PTPN21: variants seen among roughly 807,000 people sequenced by gnomAD.
The protein encoded by PTPN21 is tyrosine-protein phosphatase non-receptor type 21.
In PTPN21, 77 loss-of-function variants were observed where a neutral mutation model predicts 131.8. The ratio of observed to expected loss-of-function variants is 0.58; its 90% CI spans 0.49 to 0.71. PTPN21 has a LOEUF of 0.71. PTPN21 is among the 30% of genes least tolerant of loss of function. The pLI is 0.00. For synonymous variants in PTPN21, 715 were observed against 621.3 expected (o/e 1.15, Z -2.24); for missense variants, 1,552 against 1,527.1 (o/e 1.02, Z -0.27).
chr14:88,527,818 G>A (rs1471770312), intron 2 of PTPN21, among the ~76,000 whole-genome samples: 2 of 152,106 alleles, frequency 1.3e-5, no homozygotes, highest in African/African-American at 4.8e-5. Context: ...TCCCACTTGA[G>A]TTGATTTTTG....
Position 88,500,890 on chromosome 14 carries a change from A to G in PTPN21, c.676-19T>C. The G allele has an allele frequency of 6.4e-7, 1 of 1,568,114 alleles. No individual in the cohort carries two copies. Among genetic ancestry groups the G allele is most frequent in the Non-Finnish European group, 8.8e-7 (1 of 1,138,584 alleles). ...GGCTATCCTACAAGGAGAAAGCAGA[A>G]GAAGAAACACCCAGGAAGCAGATGC... On this transcript the variant is annotated intron_variant, in intron 7 of 18. Coordinates refer to ENST00000556564, the MANE Select transcript of PTPN21 (RefSeq NM_007039.4).
chr14:88,500,730 T>C (rs980569742), intron 8 of PTPN21, 53 bp downstream of exon 8: 3 of 1,247,636 alleles, frequency 2.4e-6, no homozygotes, highest in Admixed American at 3.4e-5. Context: ...TACTAAAAAA[T>C]GTATCACCAA....
intron 2 of PTPN21, among the ~76,000 whole-genome samples, chr14:88,522,225 G>A (rs1280014216): frequency 2.6e-5 from 4 of 151,872 alleles, no homozygotes; most frequent in East Asian, 1.9e-4. Flanking sequence ...TCAGGAGTTC[G>A]AGACTGGCCT....
At chr14:88,517,352 T>C (rs1464589029) in intron 2 of PTPN21, 91 bp from the exon 3 acceptor site, 1 of 1,380,076 alleles carries the variant, frequency 7.2e-7, no homozygotes. Flanking sequence ...TGTGACCAAA[T>C]GACAGCAGTC....
chr14:88,532,636 T>C (rs2078571054), intron 2 of PTPN21, among the ~76,000 whole-genome samples: 1 of 152,188 alleles, frequency 6.6e-6, no homozygotes, highest in South Asian at 2.1e-4. Context: ...ATTTTATACA[T>C]ACTTTTAATG....
intron 4 of PTPN21, among the ~76,000 whole-genome samples, chr14:88,506,998 G>A (rs1433744364): frequency 1.3e-5 from 2 of 151,796 alleles, no homozygotes; most frequent in Middle Eastern, 3.2e-3. Context: ...GCAGTGAGCC[G>A]AGATCGTGCC....
chr14:88,511,083 T>G (rs4514599), intron 3 of PTPN21, among the ~76,000 whole-genome samples: 52,391 of 151,542 alleles, frequency 0.35, 9,588 homozygotes, highest in African/African-American at 0.48. Context: ...TGGCTAAATT[T>G]TTTTTAATTT....
intron 6 of PTPN21, among the ~76,000 whole-genome samples, chr14:88,502,780 C>T (rs2078030113): frequency 1.3e-5 from 2 of 152,200 alleles, no homozygotes; most frequent in South Asian, 4.1e-4. Context: ...ATTTAACCAA[C>T]TTGTAGGAGG....
chr14:88,548,044 G>GC (rs1214807712), intron 2 of PTPN21, among the ~76,000 whole-genome samples: 1 of 151,926 alleles, frequency 6.6e-6, no homozygotes, highest in African/African-American at 2.4e-5. Flanking sequence ...CTCTGTTATA[G>GC]CCCCACCATC....
chr14:88,480,153 G>A lies in PTPN21; in HGVS notation c.1278C>T (p.Val426=), dbSNP rs753110190. The A allele has an allele frequency of 1.2e-6, 2 of 1,614,174 alleles. No homozygotes were observed. Among genetic ancestry groups the A allele is most frequent in the South Asian group, 1.1e-5 (1 of 91,084 alleles). ...SSNPSITGSD[V]MRPDYLPSHR... is the part of the protein sequence containing the mutation. ...GGGACGGGAGGTAGTCAGGCCTCAT[G>A]ACGTCACTCCCGGTGATGCTAGGGT... Residue 426 remains valine (V), a synonymous_variant, in exon 13 of 19, where the codon GTC becomes GTT. Transcript: ENST00000556564.
intron 2 of PTPN21, among the ~76,000 whole-genome samples, chr14:88,527,790 T>G (rs753376371): frequency 7.2e-5 from 11 of 152,204 alleles, no homozygotes; most frequent in African/African-American, 1.2e-4. Context: ...GTTTCAGGTC[T>G]TAGGTATAAG....
chr14:88,475,416 A>C (rs1364855616), intron 13 of PTPN21, among the ~76,000 whole-genome samples: 1 of 152,198 alleles, frequency 6.6e-6, no homozygotes, highest in Non-Finnish European at 1.5e-5. Context: ...TCCCCACATA[A>C]TGCAGTCTAG....
At position 88,479,223 on chromosome 14, in the gene PTPN21, C is replaced by T. The variant is rs1193693081; in HGVS notation, c.2208G>A (p.Arg736=). Residue 736 remains arginine, a synonymous_variant, in exon 13 of 19, where the codon CGG becomes CGA. Coordinates refer to ENST00000556564, the MANE Select transcript of PTPN21 (RefSeq NM_007039.4). ...RAPPARAREP[R]PGLAQDPPGC... is the part of the protein sequence containing the mutation. ...CAGGTGGGTCCTGGGCCAGGCCGGG[C>T]CGAGGCTCGCGCGCACGTGCAGGAG... 1 of 1,601,358 alleles carries T rather than the reference C, an allele frequency of 6.2e-7. No homozygotes were observed. The highest frequency in any genetic ancestry group is 8.5e-7 in the Non-Finnish European group (1 of 1,173,980).
intron 2 of PTPN21, among the ~76,000 whole-genome samples, chr14:88,526,685 G>C (rs1423608739): frequency 2.6e-5 from 4 of 151,452 alleles, no homozygotes; most frequent in African/African-American, 9.7e-5. Context: ...AATTTTTGGG[G>C]AACAGGTGGT....
At chr14:88,470,210 C>A in intron 15 of PTPN21, 160 bp from the exon 16 acceptor site, 1 of 670,030 alleles carries the variant, frequency 1.5e-6, no homozygotes, top group Non-Finnish European at 2.5e-6. Flanking sequence ...GACTTTTCAT[C>A]TTTTCCCTTG....
At chr14:88,511,622 T>C (rs1260769089) in intron 3 of PTPN21, among the ~76,000 whole-genome samples, 1 of 152,126 alleles carries the variant, frequency 6.6e-6, no homozygotes, top group Non-Finnish European at 1.5e-5. Context: ...TGAGCCAAGA[T>C]AGCGCCACTG....
At chr14:88,493,543 C>T (rs61520336) in intron 10 of PTPN21, among the ~76,000 whole-genome samples, 5,617 of 152,204 alleles carry the variant, frequency 0.037, 350 homozygotes, top group African/African-American at 0.13. Flanking sequence ...CAGGACGGGG[C>T]GGGTGAGAGG....
At chr14:88,497,672 G>A (rs772577514) in intron 8 of PTPN21, among the ~76,000 whole-genome samples, 1 of 152,210 alleles carries the variant, frequency 6.6e-6, no homozygotes, top group Non-Finnish European at 1.5e-5. Context: ...CCAGCTACTC[G>A]GGAGGCTGAG....
chr14:88,521,839 T>C (rs1213833183), intron 2 of PTPN21, among the ~76,000 whole-genome samples: 1 of 152,178 alleles, frequency 6.6e-6, no homozygotes, highest in Non-Finnish European at 1.5e-5. Flanking sequence ...AAATTTCTGG[T>C]TTATTGTATA....
Sources: gnomAD v4.1 joint callset for allele counts (sites outside exome capture counted in the v4.1 genomes callset) on GRCh38, gnomAD v4.1.1 for gene constraint, MANE v1.5 for transcripts, NCBI Gene and HGNC (gene_info 2026-07-23, HGNC 2026-07-21) for gene names.